PDE4B: variants seen among roughly 807,000 people sequenced by gnomAD.
PDE4B encodes the protein 3',5'-cyclic-AMP phosphodiesterase 4B.
Under a neutral mutation model 82.2 loss-of-function variants are expected in PDE4B, and 20 were observed. The ratio of observed to expected loss-of-function variants is 0.24; its 90% CI spans 0.17 to 0.35. PDE4B has a LOEUF of 0.35. Among genes scored for constraint, PDE4B ranks in the 10% least tolerant of loss-of-function variants. The probability of loss-of-function intolerance (pLI) is 1.00; values close to 1 mark genes in which losing one functional copy is unlikely to be tolerated. For missense variants in PDE4B, 655 were observed against 907.2 expected (o/e 0.72, Z 3.57); for synonymous variants, 320 against 318.9 (o/e 1.00, Z -0.04).
intron 3 of PDE4B, among the ~76,000 whole-genome samples, chr1:66,107,150 T>C (rs1645380719): frequency 6.6e-6 from 1 of 151,498 alleles, no homozygotes; most frequent in Non-Finnish European, 1.5e-5. Flanking sequence ...TTTGTTCTCG[T>C]TGGTTTCAAA....
Position 65,918,692 on chromosome 1 carries a change from C to T in PDE4B, c.138C>T (p.Cys46=). The change falls in exon 3 of 17, where the codon TGC becomes TGT. Residue 46 remains cysteine (C), a synonymous_variant. Transcript: ENST00000341517. ...ACCTCTGGAGAGGGAGAAGGTGTTG[C>T]TCAGGAAACTTACAGTTACCACCAC... ...GIDLWRGRRC[C]SGNLQLPPLS... is the part of the protein sequence containing the mutation. 6.2e-7 allele frequency: 1 copy of T among 1,613,438 alleles called. No homozygotes were observed. The highest frequency in any genetic ancestry group is 1.1e-5 in the South Asian group (1 of 91,068).
chr1:66,112,544 C>T (rs1446497385), intron 3 of PDE4B, among the ~76,000 whole-genome samples: 2 of 152,172 alleles, frequency 1.3e-5, no homozygotes, highest in East Asian at 1.9e-4. Flanking sequence ...AATGAGCCAG[C>T]TGCTTTACAA....
chr1:66,208,370 A>G (rs1410653208), intron 3 of PDE4B, among the ~76,000 whole-genome samples: 1 of 152,188 alleles, frequency 6.6e-6, no homozygotes, highest in African/African-American at 2.4e-5. Flanking sequence ...TGAGCCCTCA[A>G]AGAATTCATG....
intron 1 of PDE4B, among the ~76,000 whole-genome samples, chr1:65,877,557 G>C (rs1571055607): frequency 6.6e-6 from 1 of 151,986 alleles, no homozygotes; most frequent in Non-Finnish European, 1.5e-5. Context: ...AGAGTTTGCA[G>C]TGAGCCAAGA....
chr1:66,202,695 G>A (rs1649110624), intron 3 of PDE4B, among the ~76,000 whole-genome samples: 1 of 152,020 alleles, frequency 6.6e-6, no homozygotes, highest in African/African-American at 2.4e-5. Flanking sequence ...TTTTCCATTT[G>A]TTTGGTAGAT....
intron 3 of PDE4B, among the ~76,000 whole-genome samples, chr1:66,183,504 C>A (rs1647115698): frequency 6.6e-6 from 1 of 152,116 alleles, no homozygotes; most frequent in South Asian, 2.1e-4. Flanking sequence ...AGGAAGGACT[C>A]ATAATAACTG....
At chr1:66,158,662 C>T (rs865881736) in intron 3 of PDE4B, among the ~76,000 whole-genome samples, 2 of 152,168 alleles carry the variant, frequency 1.3e-5, no homozygotes, top group African/African-American at 2.4e-5. Context: ...CCGCATTATT[C>T]ACAATAGCCA....
At chr1:66,192,788 C>A (rs1196029294) in intron 3 of PDE4B, among the ~76,000 whole-genome samples, 1 of 151,984 alleles carries the variant, frequency 6.6e-6, no homozygotes, top group Non-Finnish European at 1.5e-5. Flanking sequence ...AGACATATGG[C>A]AATTAATAAT....
chr1:65,911,229 C>T (rs1428725058), intron 1 of PDE4B, among the ~76,000 whole-genome samples: 3 of 152,170 alleles, frequency 2.0e-5, no homozygotes, highest in African/African-American at 7.2e-5. Flanking sequence ...TAAGCTTCCT[C>T]ATCATGGCAT....
chr1:66,172,774 T>A (rs2101346893), intron 3 of PDE4B, among the ~76,000 whole-genome samples: 1 of 65,112 alleles, frequency 1.5e-5, no homozygotes, highest in Middle Eastern at 8.1e-3. Flanking sequence ...CTCCTCATCT[T>A]CACATTATGT....
At chr1:66,165,900 G>T (rs988116120) in intron 3 of PDE4B, among the ~76,000 whole-genome samples, 6 of 150,766 alleles carry the variant, frequency 4.0e-5, no homozygotes, top group African/African-American at 1.5e-4. Context: ...CTGATCCTAG[G>T]ATTCATATGG....
At chr1:66,082,968 C>T (rs1020625991) in intron 3 of PDE4B, among the ~76,000 whole-genome samples, 1 of 151,924 alleles carries the variant, frequency 6.6e-6, no homozygotes, top group Non-Finnish European at 1.5e-5. Context: ...CTCATTCATC[C>T]CTCCTCCATA....
intron 3 of PDE4B, among the ~76,000 whole-genome samples, chr1:66,221,768 C>T (rs1051162080): frequency 6.6e-6 from 1 of 152,112 alleles, no homozygotes; most frequent in African/African-American, 2.4e-5. Flanking sequence ...CCCTCTGGCC[C>T]TCCCACCCTC....
chr1:66,342,240 T>G (rs953774349), intron 8 of PDE4B, among the ~76,000 whole-genome samples: 5 of 152,338 alleles, frequency 3.3e-5, no homozygotes, highest in African/African-American at 1.2e-4. Flanking sequence ...AGTCTAACGT[T>G]AGCTCTTTTT....
chr1:65,954,237 CT>C (rs1303047607), intron 3 of PDE4B, among the ~76,000 whole-genome samples: 2 of 151,908 alleles, frequency 1.3e-5, no homozygotes, highest in African/African-American at 4.8e-5. Flanking sequence ...TTTTTCTTTC[CT>C]GTATTTCAGC....
At chr1:66,258,732 A>G (rs1406537386) in intron 6 of PDE4B, among the ~76,000 whole-genome samples, 1 of 152,218 alleles carries the variant, frequency 6.6e-6, no homozygotes, top group African/African-American at 2.4e-5. Flanking sequence ...AGTGTTCACT[A>G]CAGAGTATCC....
chr1:65,957,422 T>TGTTCTG (rs1553125280), intron 3 of PDE4B, among the ~76,000 whole-genome samples: 5 of 151,918 alleles, frequency 3.3e-5, no homozygotes, highest in Non-Finnish European at 7.4e-5. Flanking sequence ...CTGGGCTCTC[T>TGTTCTG]ATTTGTTTGG....
intron 1 of PDE4B, among the ~76,000 whole-genome samples, chr1:65,839,812 G>A (rs893219029): frequency 6.6e-6 from 1 of 152,056 alleles, no homozygotes; most frequent in African/African-American, 2.4e-5. Context: ...GGGTCAAATG[G>A]TATTTCTGGT....
At chr1:66,244,675 G>GACA (rs1653160028) in intron 3 of PDE4B, among the ~76,000 whole-genome samples, 1 of 152,158 alleles carries the variant, frequency 6.6e-6, no homozygotes, top group South Asian at 2.1e-4. Flanking sequence ...TGGTTGCTTT[G>GACA]AAGCAGTGCC....
Sources: allele counts gnomAD v4.1 joint callset (sites outside exome capture counted in the v4.1 genomes callset), GRCh38; gene constraint gnomAD v4.1.1; transcripts MANE v1.5; gene names NCBI Gene and HGNC (gene_info 2026-07-23, HGNC 2026-07-21).